Variants in NLGN4Y observed in about 807,000 individuals in gnomAD.
NLGN4Y encodes neuroligin-4, Y-linked.
NLGN4Y carries 4 observed loss-of-function variants against 8.4 expected under a neutral mutation model. The ratio of observed to expected loss-of-function variants is 0.48; its 90% CI spans 0.23 to 1.09. The LOEUF (loss-of-function observed/expected upper bound fraction) is 1.09, where lower values mean the gene tolerates loss of function less well. Ranked by LOEUF, NLGN4Y falls within the 50% of genes least tolerant of loss-of-function variation. The probability of loss-of-function intolerance (pLI) is 0.19; values close to 1 mark genes in which losing one functional copy is unlikely to be tolerated. For missense variants in NLGN4Y, 90 were observed against 192.3 expected (o/e 0.47, Z 3.15); for synonymous variants, 35 against 75.6 (o/e 0.46, Z 2.78).
rs1026625575 is a variant in NLGN4Y, at chrY:14,611,555, G to A, written c.-111-10454G>A. On this transcript the variant is annotated intron_variant, in intron 1 of 6. Coordinates refer to ENST00000684976, the MANE Select transcript of NLGN4Y (RefSeq NM_001365588.1). ...GATGTGAAATTCTGTTTGTTTGTTT[G>A]TTTATTTATTTATTTATTTATTTAT... Among the ~76,000 whole-genome samples the A allele has an allele frequency of 3.3e-4, 9 of 26,899 alleles. No individual in the cohort carries two copies. The South Asian group carries it at 4.3e-3, about 13-fold the overall frequency. The allele number at this position is 26,899 out of a possible 37,273, so 72.2% of individuals were successfully genotyped here. A position where few individuals can be genotyped will look rare whatever the true frequency, so the allele number is the denominator to read the frequency against.
chrY:14,717,839 T>C (rs542609014), intron 2 of NLGN4Y, among the ~76,000 whole-genome samples: 1 of 33,499 alleles, frequency 3.0e-5, no homozygotes, highest in East Asian at 7.8e-4. Flanking sequence ...TGAAAATATA[T>C]GTCCATGCAA....
At chrY:14,808,450 A>C in intron 4 of NLGN4Y, among the ~76,000 whole-genome samples, 1 of 34,251 alleles carries the variant, frequency 2.9e-5, no homozygotes, top group Non-Finnish European at 7.3e-5. Context: ...AGGCCTTACA[A>C]TAGATTACAC....
intron 2 of NLGN4Y, among the ~76,000 whole-genome samples, chrY:14,635,562 T>TTTTA (rs759389951): frequency 0.084 from 2,238 of 26,617 alleles, no homozygotes; most frequent in Non-Finnish European, 0.15. Context: ...TTTTTTTTTG[T>TTTTA]TTTATTTATT....
intron 2 of NLGN4Y, among the ~76,000 whole-genome samples, chrY:14,695,831 C>T (rs2080825908): frequency 3.0e-5 from 1 of 32,930 alleles, no homozygotes; most frequent in African/African-American, 1.2e-4. Flanking sequence ...CAGTGCCACA[C>T]GGGGATGAAA....
At chrY:14,589,687 G>A in intron 1 of NLGN4Y, among the ~76,000 whole-genome samples, 1 of 34,313 alleles carries the variant, frequency 2.9e-5, no homozygotes, top group Non-Finnish European at 7.3e-5. Context: ...GATTCTCCAC[G>A]TCCCCACCAG....
At chrY:14,639,599 T>C in intron 2 of NLGN4Y, 1 of 202,756 alleles carries the variant, frequency 4.9e-6, no homozygotes, top group Non-Finnish European at 8.8e-6. Flanking sequence ...TTGCTGAACG[T>C]GGAAACAAAG....
At chrY:14,643,535 G>T (rs1032360081) in intron 2 of NLGN4Y, among the ~76,000 whole-genome samples, 1 of 33,259 alleles carries the variant, frequency 3.0e-5, no homozygotes, top group Non-Finnish European at 7.4e-5. Context: ...GCAGTTCTAT[G>T]TTGGGAGTCA....
At chrY:14,832,398 T>C (rs766710242) in intron 6 of NLGN4Y, among the ~76,000 whole-genome samples, 1 of 34,691 alleles carries the variant, frequency 2.9e-5, no homozygotes, top group African/African-American at 1.1e-4. Flanking sequence ...TTGGAGATGC[T>C]CGTCTATCAC....
intron 1 of NLGN4Y, among the ~76,000 whole-genome samples, chrY:14,584,056 G>T (rs2080329155): frequency 3.0e-5 from 1 of 33,897 alleles, no homozygotes; most frequent in Admixed American, 2.7e-4. Flanking sequence ...AGGAAGACAG[G>T]AAGACTTGTC....
At chrY:14,833,552 C>T in intron 6 of NLGN4Y, among the ~76,000 whole-genome samples, 1 of 33,755 alleles carries the variant, frequency 3.0e-5, no homozygotes, top group Non-Finnish European at 7.4e-5. Flanking sequence ...TCAGCCAGTC[C>T]CTCCGTTTGG....
intron 1 of NLGN4Y, 144 bp downstream of exon 1, chrY:14,524,852 T>G: frequency 8.3e-6 from 1 of 120,357 alleles, no homozygotes; most frequent in Non-Finnish European, 1.8e-5. Flanking sequence ...CCAGGGACAC[T>G]CTCATCCTTC....
At chrY:14,624,851 C>G in intron 2 of NLGN4Y, among the ~76,000 whole-genome samples, 1 of 33,359 alleles carries the variant, frequency 3.0e-5, no homozygotes, top group Non-Finnish European at 7.4e-5. Flanking sequence ...CACGCTGATT[C>G]TCTCCAAAGG....
At chrY:14,696,155 G>A (rs2080827169) in intron 2 of NLGN4Y, among the ~76,000 whole-genome samples, 2 of 32,683 alleles carry the variant, frequency 6.1e-5, no homozygotes, top group Admixed American at 2.8e-4. Context: ...CAATAGCATC[G>A]CATTCCATTT....
Position 14,697,594 on chromosome Y carries a change from G to GAGATAGATAGAT in NLGN4Y, c.473-21834_473-21823dup, listed in dbSNP as rs1296928906. On this transcript the variant is annotated intron_variant, in intron 2 of 6. Transcript: ENST00000684976. ...ATAGATGATGGGTATATAGATGAGA[G>GAGATAGATAGAT]AGATAGATAGATAGATAGATAGATA... Among the ~76,000 whole-genome samples, 164 of 21,146 alleles carry GAGATAGATAGAT rather than the reference G, an allele frequency of 7.8e-3. No individual in the cohort carries two copies. In the East Asian group the frequency reaches 0.1, roughly 13 times the overall value. The allele number at this position is 21,146 out of a possible 37,273, so 56.7% of individuals were successfully genotyped here.
intron 4 of NLGN4Y, among the ~76,000 whole-genome samples, chrY:14,821,057 G>A: frequency 5.9e-5 from 2 of 33,643 alleles, no homozygotes; most frequent in Non-Finnish European, 1.5e-4. Flanking sequence ...TGGTCAACAG[G>A]TGCCTGGTAT....
intron 1 of NLGN4Y, among the ~76,000 whole-genome samples, chrY:14,615,897 T>A: frequency 1.2e-4 from 4 of 33,854 alleles, no homozygotes; most frequent in Non-Finnish European, 2.9e-4. Context: ...GATATTGGTC[T>A]AAAATTCTCT....
intron 4 of NLGN4Y, among the ~76,000 whole-genome samples, chrY:14,793,086 C>A (rs2042993490): frequency 3.1e-5 from 1 of 32,504 alleles, no homozygotes; most frequent in African/African-American, 1.2e-4. Flanking sequence ...AGGAAATTCA[C>A]GATCTCTTCT....
At chrY:14,651,344 TATCTC>T (rs2080629048) in intron 2 of NLGN4Y, among the ~76,000 whole-genome samples, 1 of 33,601 alleles carries the variant, frequency 3.0e-5, no homozygotes, top group African/African-American at 1.2e-4. Flanking sequence ...AAGCTTATGT[TATCTC>T]ACTTGTAAAC....
intron 2 of NLGN4Y, among the ~76,000 whole-genome samples, chrY:14,673,833 G>A (rs2150529863): frequency 3.0e-5 from 1 of 33,375 alleles, no homozygotes; most frequent in South Asian, 6.6e-4. Flanking sequence ...TATACACCAT[G>A]GAATACTATG....
Sources: gnomAD v4.1 joint callset for allele counts (sites outside exome capture counted in the v4.1 genomes callset) on GRCh38, gnomAD v4.1.1 for gene constraint, MANE v1.5 for transcripts, NCBI Gene and HGNC (gene_info 2026-07-23, HGNC 2026-07-21) for gene names.